LRFN2: variants seen among roughly 807,000 people sequenced by gnomAD.
LRFN2 encodes leucine rich repeat and fibronectin type III domain containing 2.
A neutral mutation model predicts 37.3 loss-of-function variants in LRFN2; 18 were observed. That is an observed-to-expected ratio of 0.48 (90% CI 0.33 to 0.72). The LOEUF (loss-of-function observed/expected upper bound fraction) is 0.72, where lower values mean the gene tolerates loss of function less well. Ranked by LOEUF, LRFN2 falls within the 30% of genes least tolerant of loss-of-function variation. The probability of loss-of-function intolerance (pLI) is 0.02; values close to 1 mark genes in which losing one functional copy is unlikely to be tolerated. For missense variants in LRFN2, 1,006 were observed against 1,060.7 expected, an observed-to-expected ratio of 0.95 and a Z score of 0.72; for synonymous variants, 556 against 466.6, an observed-to-expected ratio of 1.19 and a Z score of -2.47.
chr6:40,412,062 T>C (rs1366574064), intron 2 of LRFN2, among the ~76,000 whole-genome samples: 2 of 152,058 alleles, frequency 1.3e-5, no homozygotes, highest in Non-Finnish European at 2.9e-5. Context: ...GGCTCAATGG[T>C]CGGATATCTA....
intron 1 of LRFN2, among the ~76,000 whole-genome samples, chr6:40,585,604 TC>T (rs927013894): frequency 1.3e-5 from 2 of 152,024 alleles, no homozygotes; most frequent in Non-Finnish European, 2.9e-5. Flanking sequence ...GTTCCCTTGC[TC>T]CCCACCTTGA....
intron 1 of LRFN2, among the ~76,000 whole-genome samples, chr6:40,536,476 A>G (rs9471366): frequency 0.48 from 73,201 of 152,010 alleles, 17,957 homozygotes; most frequent in African/African-American, 0.55. Flanking sequence ...CAGCAAATGA[A>G]GGTCTGAAAT....
chr6:40,584,717 C>T (rs563888582), intron 1 of LRFN2, among the ~76,000 whole-genome samples: 19 of 152,276 alleles, frequency 1.2e-4, no homozygotes, highest in African/African-American at 4.3e-4. Context: ...AGCTTATAAG[C>T]CTCTATACAT....
intron 2 of LRFN2, among the ~76,000 whole-genome samples, chr6:40,393,315 A>C (rs1490393045): frequency 2.0e-5 from 3 of 151,720 alleles, no homozygotes; most frequent in Admixed American, 2.0e-4. Context: ...AGGATGTGTC[A>C]GAGACCAAGG....
intron 1 of LRFN2, among the ~76,000 whole-genome samples, chr6:40,515,892 C>CAAAAAAAA (rs71543993): frequency 2.2e-5 from 2 of 91,786 alleles, no homozygotes; most frequent in Non-Finnish European, 2.2e-5. Flanking sequence ...GACTCCATAT[C>CAAAAAAAA]AAAAAAAAAA....
intron 1 of LRFN2, among the ~76,000 whole-genome samples, chr6:40,471,687 C>G (rs980648615): frequency 6.6e-6 from 1 of 152,194 alleles, no homozygotes; most frequent in Admixed American, 6.5e-5. Flanking sequence ...CTGCAAGTAC[C>G]TGTTCATTCT....
chr6:40,423,128 C>T (rs1312690365), intron 2 of LRFN2, among the ~76,000 whole-genome samples: 3 of 152,174 alleles, frequency 2.0e-5, no homozygotes, highest in Non-Finnish European at 4.4e-5. Flanking sequence ...AAAAACATCT[C>T]CCCTATGCAC....
intron 1 of LRFN2, among the ~76,000 whole-genome samples, chr6:40,575,693 A>ATCCCACCCCATCCCCACTC (rs1767264829): frequency 6.6e-6 from 1 of 152,108 alleles, no homozygotes; most frequent in African/African-American, 2.4e-5. Context: ...CCATGAAGCC[A>ATCCCACCCCATCCCCACTC]TCCCACCCCA....
chr6:40,465,710 C>A (rs1581726796), intron 1 of LRFN2, among the ~76,000 whole-genome samples: 1 of 152,156 alleles, frequency 6.6e-6, no homozygotes, highest in African/African-American at 2.4e-5. Flanking sequence ...AGGATGTTCC[C>A]AAGAGGATCA....
At chr6:40,513,628 C>T (rs1165077108) in intron 1 of LRFN2, among the ~76,000 whole-genome samples, 2 of 152,040 alleles carry the variant, frequency 1.3e-5, no homozygotes, top group South Asian at 2.1e-4. Context: ...TGTGACATTC[C>T]GGAGGCGGGC....
At chr6:40,463,670 A>AT (rs66745321) in intron 1 of LRFN2, among the ~76,000 whole-genome samples, 24,598 of 76,404 alleles carry the variant, frequency 0.32, 4,317 homozygotes, top group Non-Finnish European at 0.39. Flanking sequence ...CTTTCTTTCT[A>AT]TTTTTTTTTT....
chr6:40,532,696 T>C (rs961734945), intron 1 of LRFN2, among the ~76,000 whole-genome samples: 1 of 152,230 alleles, frequency 6.6e-6, no homozygotes, highest in Non-Finnish European at 1.5e-5. Context: ...TAATCTCTCC[T>C]CCGTGCACTT....
intron 2 of LRFN2, among the ~76,000 whole-genome samples, chr6:40,426,575 G>A (rs1387817368): frequency 1.3e-5 from 2 of 152,220 alleles, no homozygotes; most frequent in Non-Finnish European, 2.9e-5. Context: ...TGAGAGACAT[G>A]TGTAAGGCTG....
intron 1 of LRFN2, among the ~76,000 whole-genome samples, chr6:40,451,506 G>C (rs9369204): frequency 0.26 from 40,239 of 152,122 alleles, 6,235 homozygotes; most frequent in Middle Eastern, 0.41. Context: ...TCCCCTGGGG[G>C]AAGCAGCATC....
intron 1 of LRFN2, among the ~76,000 whole-genome samples, chr6:40,505,111 C>T (rs1415560268): frequency 1.3e-5 from 2 of 152,168 alleles, no homozygotes; most frequent in South Asian, 2.1e-4. Flanking sequence ...TCTGTCTGCA[C>T]GGGCCCTGTG....
At chr6:40,523,373 C>G (rs1007618575) in intron 1 of LRFN2, among the ~76,000 whole-genome samples, 1 of 152,148 alleles carries the variant, frequency 6.6e-6, no homozygotes, top group Admixed American at 6.5e-5. Context: ...ACCCCACCCA[C>G]GCCCCACCAT....
chr6:40,426,660 T>C (rs9471342), intron 2 of LRFN2, among the ~76,000 whole-genome samples: 29,930 of 152,176 alleles, frequency 0.2, 3,453 homozygotes, highest in African/African-American at 0.3. Context: ...TGTGTGCGTG[T>C]ATGTCTTTTC....
intron 1 of LRFN2, among the ~76,000 whole-genome samples, chr6:40,439,140 G>C (rs574738208): frequency 6.6e-6 from 1 of 152,114 alleles, no homozygotes; most frequent in Non-Finnish European, 1.5e-5. Flanking sequence ...TTAGCAGATG[G>C]CTGGCACGAT....
intron 1 of LRFN2, among the ~76,000 whole-genome samples, chr6:40,477,450 G>C (rs1296498255): frequency 6.6e-6 from 1 of 152,186 alleles, no homozygotes; most frequent in African/African-American, 2.4e-5. Flanking sequence ...AACCCAGAGA[G>C]GTTAGGTGTC....
Sources: gnomAD v4.1 joint callset for allele counts (sites outside exome capture counted in the v4.1 genomes callset) on GRCh38, gnomAD v4.1.1 for gene constraint, MANE v1.5 for transcripts, NCBI Gene and HGNC (gene_info 2026-07-23, HGNC 2026-07-21) for gene names.